Variants in DLG2 observed in about 807,000 individuals in gnomAD.
DLG2 encodes the protein disks large homolog 2.
In DLG2, 45 loss-of-function variants were observed where a neutral mutation model predicts 132.5. The ratio of observed to expected loss-of-function variants is 0.34; its 90% confidence interval spans 0.27 to 0.44. DLG2 has a LOEUF of 0.44. Among genes scored for constraint, DLG2 ranks in the 20% least tolerant of loss-of-function variants. The probability of loss-of-function intolerance (pLI) is 1.00; values close to 1 mark genes in which losing one functional copy is unlikely to be tolerated. For missense variants in DLG2, 1,045 were observed against 1,196.9 expected (o/e 0.87, Z 1.87); for synonymous variants, 424 against 419.6 (o/e 1.01, Z -0.13).
intron 21 of DLG2, among the ~76,000 whole-genome samples, chr11:83,488,981 A>G (rs1031777243): frequency 1.3e-5 from 2 of 152,038 alleles, no homozygotes; most frequent in Non-Finnish European, 2.9e-5. Flanking sequence ...AAATGTGTCT[A>G]TGTGAATGCA....
intron 8 of DLG2, among the ~76,000 whole-genome samples, chr11:84,165,388 T>C (rs2095638750): frequency 6.6e-6 from 1 of 152,224 alleles, no homozygotes; most frequent in East Asian, 1.9e-4. Context: ...GGATCCTAAA[T>C]GCTGACTCTT....
At chr11:83,549,477 C>T (rs550387578) in intron 19 of DLG2, among the ~76,000 whole-genome samples, 11 of 152,240 alleles carry the variant, frequency 7.2e-5, no homozygotes, top group Non-Finnish European at 1.2e-4. Context: ...TAATAACTGG[C>T]AAAACAAAAG....
At chr11:85,233,796 A>T (rs2075433108) in intron 4 of DLG2, among the ~76,000 whole-genome samples, 1 of 146,238 alleles carries the variant, frequency 6.8e-6, no homozygotes, top group Non-Finnish European at 1.5e-5. Flanking sequence ...TGTTGTGACT[A>T]TGTGTGTGTG....
chr11:84,364,402 G>C (rs1387669575), intron 7 of DLG2, among the ~76,000 whole-genome samples: 1 of 152,128 alleles, frequency 6.6e-6, no homozygotes, highest in African/African-American at 2.4e-5. Flanking sequence ...AGCTTAAGGA[G>C]ATTTTGGGCT....
intron 11 of DLG2, among the ~76,000 whole-genome samples, chr11:83,987,379 G>A (rs940997375): frequency 3.9e-5 from 6 of 152,066 alleles, no homozygotes; most frequent in Non-Finnish European, 5.9e-5. Context: ...AAAAGAGCCC[G>A]CATCGCCAAG....
chr11:85,400,495 C>A (rs1461874303), intron 3 of DLG2, among the ~76,000 whole-genome samples: 2 of 149,128 alleles, frequency 1.3e-5, no homozygotes, highest in African/African-American at 2.5e-5. Flanking sequence ...ATGTTTATTG[C>A]GGCATTATTC....
intron 3 of DLG2, among the ~76,000 whole-genome samples, chr11:85,484,238 C>T (rs1436450739): frequency 1.4e-5 from 2 of 148,066 alleles, no homozygotes; most frequent in Non-Finnish European, 1.5e-5. Context: ...CCTCCCTCTC[C>T]CACCGCCCCT....
intron 3 of DLG2, among the ~76,000 whole-genome samples, chr11:85,372,511 C>A (rs2085067134): frequency 1.3e-5 from 2 of 152,196 alleles, no homozygotes; most frequent in South Asian, 4.1e-4. Flanking sequence ...TCTAAGGGAT[C>A]CAGAAGCAAA....
At chr11:85,086,870 A>G (rs1214994421) in intron 6 of DLG2, among the ~76,000 whole-genome samples, 1 of 152,258 alleles carries the variant, frequency 6.6e-6, no homozygotes, top group Non-Finnish European at 1.5e-5. Flanking sequence ...GCACAAAAGC[A>G]AATTGAAATA....
chr11:84,830,313 C>G (rs1371218369), intron 6 of DLG2, among the ~76,000 whole-genome samples: 1 of 150,542 alleles, frequency 6.6e-6, no homozygotes, highest in Non-Finnish European at 1.5e-5. Flanking sequence ...GGGTCTCTAC[C>G]TTTTAAACAG....
chr11:85,258,913 C>A (rs753946267), intron 4 of DLG2, among the ~76,000 whole-genome samples: 1 of 152,192 alleles, frequency 6.6e-6, no homozygotes, highest in Non-Finnish European at 1.5e-5. Flanking sequence ...CATTTAATCT[C>A]ATTTAATCTT....
At chr11:84,018,325 T>C (rs1212253616) in intron 11 of DLG2, among the ~76,000 whole-genome samples, 2 of 152,008 alleles carry the variant, frequency 1.3e-5, no homozygotes, top group Non-Finnish European at 2.9e-5. Context: ...ATACAACTAA[T>C]TGTACCTTTC....
intron 7 of DLG2, among the ~76,000 whole-genome samples, chr11:84,522,474 C>T (rs2099306668): frequency 6.6e-6 from 1 of 152,084 alleles, no homozygotes; most frequent in South Asian, 2.1e-4. Context: ...ACCTGTGACC[C>T]AAAATTGGCC....
intron 7 of DLG2, among the ~76,000 whole-genome samples, chr11:84,349,893 C>G (rs1397031471): frequency 2.6e-5 from 4 of 151,782 alleles, no homozygotes; most frequent in Non-Finnish European, 5.9e-5. Context: ...AAAATCCAGG[C>G]TAGGCCGGGC....
At chr11:84,899,704 G>C (rs1018997680) in intron 6 of DLG2, among the ~76,000 whole-genome samples, 10 of 152,040 alleles carry the variant, frequency 6.6e-5, no homozygotes, top group African/African-American at 2.2e-4. Context: ...AAGAGAAGCA[G>C]GGAGCATCTT....
At chr11:84,939,721 A>G (rs1156456534) in intron 6 of DLG2, among the ~76,000 whole-genome samples, 1 of 152,198 alleles carries the variant, frequency 6.6e-6, no homozygotes, top group African/African-American at 2.4e-5. Context: ...AATGTTCTCC[A>G]GTTCTATCCA....
At chr11:84,377,371 T>C (rs1337572733) in intron 7 of DLG2, among the ~76,000 whole-genome samples, 2 of 152,038 alleles carry the variant, frequency 1.3e-5, no homozygotes, top group Non-Finnish European at 1.5e-5. Flanking sequence ...AGGCAAAATG[T>C]TGACCCTGTT....
intron 7 of DLG2, among the ~76,000 whole-genome samples, chr11:84,470,123 T>C (rs914983151): frequency 6.6e-6 from 1 of 151,802 alleles, no homozygotes; most frequent in Non-Finnish European, 1.5e-5. Flanking sequence ...TTGTCATATA[T>C]GTGATCAATC....
At chr11:84,054,245 T>C (rs961440637) in intron 11 of DLG2, among the ~76,000 whole-genome samples, 2 of 152,128 alleles carry the variant, frequency 1.3e-5, no homozygotes, top group Admixed American at 1.3e-4. Context: ...AGTTCTGTAC[T>C]TGTTTAATTA....
Sources: gnomAD v4.1 joint callset for allele counts (sites outside exome capture counted in the v4.1 genomes callset) on GRCh38, gnomAD v4.1.1 for gene constraint, MANE v1.5 for transcripts, NCBI Gene and HGNC (gene_info 2026-07-23, HGNC 2026-07-21) for gene names.